LRRC9: variants seen among roughly 807,000 people sequenced by gnomAD.
LRRC9 encodes leucine rich repeat containing 9.
LRRC9 carries 122 observed loss-of-function variants against 63.2 expected under a neutral mutation model. The observed-to-expected ratio is 1.93, with a 90% confidence interval of 1.67 to 2.24. The LOEUF is 2.24. LRRC9 is among the 30% of genes most tolerant of loss of function. The pLI is 0.00. For missense variants in LRRC9, 1,071 were observed against 627.7 expected (o/e 1.71, Z -7.55); for synonymous variants, 366 against 213.1 (o/e 1.72, Z -6.25).
In LRRC9 at chr14:60,004,323, T is replaced by C. The variant is rs1351675013; in HGVS notation, c.2842+525T>C. The stretch of plus-strand genomic sequence containing the variant: ...CTAGTTCTGTTTTGAAAATATAAAA[T>C]TGAGGTTATATTTGGAAATTTGAAT... On this transcript the variant is annotated intron_variant, in intron 21 of 31. Transcript: ENST00000445360. The surrounding 1 kb of genome is among the most constrained non-coding windows in gnomAD (Gnocchi z 4.8). Among the ~76,000 whole-genome samples the C allele has an allele frequency of 1.3e-5, 2 of 152,042 alleles. No individual in the cohort carries two copies. Among genetic ancestry groups the C allele is most frequent in the African/African-American group, 4.8e-5 (2 of 41,420 alleles).
At chr14:59,979,936 G>A (rs953488359) in intron 15 of LRRC9, among the ~76,000 whole-genome samples, 4 of 151,670 alleles carry the variant, frequency 2.6e-5, no homozygotes, top group Non-Finnish European at 5.9e-5. Flanking sequence ...CCTGCACATT[G>A]TGCACATGTA....
intron 23 of LRRC9, among the ~76,000 whole-genome samples, chr14:60,014,100 G>A (rs1890482876): frequency 6.6e-6 from 1 of 151,530 alleles, no homozygotes. Context: ...TTTAGTGGTT[G>A]TTCTATTACA....
chr14:59,997,558 C>A, intron 17 of LRRC9, 98 bp from the exon 18 acceptor site: 1 of 567,682 alleles, frequency 1.8e-6, no homozygotes, highest in Non-Finnish European at 3.1e-6. Context: ...TGAGGATTAC[C>A]AGGAAGTGTG....
chr14:60,042,405 G>C lies in LRRC9; in HGVS notation c.3990+10342G>C, dbSNP rs1449295166. 6.6e-6 allele frequency among the ~76,000 whole-genome samples: 1 copy of C among 152,168 alleles called. No individual in the cohort carries two copies. Among genetic ancestry groups the C allele is most frequent in the Non-Finnish European group, 1.5e-5 (1 of 68,028 alleles). ...AGCTGTGGTGGGCTCCACTGAGTTC[G>C]AGCTTCCCAGCTTCTTTGTTTACCT... On this transcript the variant is annotated intron_variant, in intron 29 of 31. Transcript: ENST00000445360. This position sits in a 1 kb window ranked among gnomAD's most constrained non-coding sequence, Gnocchi z 4.2.
intron 8 of LRRC9, among the ~76,000 whole-genome samples, chr14:59,945,895 C>T (rs1313578967): frequency 6.6e-6 from 1 of 151,684 alleles, no homozygotes; most frequent in Non-Finnish European, 1.5e-5. Context: ...GAAACTGTTT[C>T]ACCTATAAAC....
At chr14:60,023,331 G>C (rs1322484113) in intron 27 of LRRC9, among the ~76,000 whole-genome samples, 6 of 151,982 alleles carry the variant, frequency 3.9e-5, no homozygotes, top group Admixed American at 3.9e-4. Flanking sequence ...TGCAATAGAA[G>C]TTCAGAGAGA....
chr14:60,002,354 G>A (rs1454554888), intron 20 of LRRC9, among the ~76,000 whole-genome samples: 1 of 152,124 alleles, frequency 6.6e-6, no homozygotes, highest in Non-Finnish European at 1.5e-5. Context: ...GTACATTAGG[G>A]TCTCTAGAAA....
At chr14:59,991,299 T>TGG (rs1888066230) in intron 17 of LRRC9, among the ~76,000 whole-genome samples, 1 of 152,178 alleles carries the variant, frequency 6.6e-6, no homozygotes, top group African/African-American at 2.4e-5. Context: ...TGAGGTAAGT[T>TGG]GGTTCTACTA....
At chr14:60,013,328 G>C (rs1194803993) in intron 23 of LRRC9, among the ~76,000 whole-genome samples, 1 of 152,092 alleles carries the variant, frequency 6.6e-6, no homozygotes, top group East Asian at 1.9e-4. Context: ...TTATGGACAG[G>C]CTGGGACTCA....
intron 23 of LRRC9, among the ~76,000 whole-genome samples, chr14:60,009,431 G>A (rs1251311139): frequency 6.6e-6 from 1 of 152,186 alleles, no homozygotes; most frequent in African/African-American, 2.4e-5. Context: ...CAGATCTCAT[G>A]AGACTTATTC....
At chr14:59,965,174 C>G (rs1332798022) in intron 10 of LRRC9, among the ~76,000 whole-genome samples, 1 of 152,108 alleles carries the variant, frequency 6.6e-6, no homozygotes, top group African/African-American at 2.4e-5. Flanking sequence ...CTAGACAGGA[C>G]CGGAATTTTA....
chr14:60,054,714 T>G (rs1431923981), intron 30 of LRRC9, among the ~76,000 whole-genome samples: 1 of 152,172 alleles, frequency 6.6e-6, no homozygotes, highest in African/African-American at 2.4e-5. Context: ...TGCATGTACT[T>G]TTAAATATTT....
At chr14:59,975,102 CAT>C (rs1216150707) in intron 13 of LRRC9, among the ~76,000 whole-genome samples, 1,265 of 9,636 alleles carry the variant, frequency 0.13, 212 homozygotes, top group East Asian at 0.42. Flanking sequence ...TATATATATA[CAT>C]ATATATATGT....
intron 12 of LRRC9, among the ~76,000 whole-genome samples, chr14:59,973,995 CTT>C (rs896040984): frequency 1.3e-5 from 2 of 152,008 alleles, no homozygotes; most frequent in African/African-American, 4.8e-5. Context: ...CTCTAGTTTT[CTT>C]ACTACTAAAA....
Position 60,017,699 on chromosome 14 carries a change from A to G in LRRC9, c.3318-672A>G, listed in dbSNP as rs1401805278. ...GAATGACTTATTAGTGGGTAAAAGT[A>G]TGTCATAATTGTAACTTCAAGTTTA... On this transcript the variant is annotated intron_variant, in intron 24 of 31. Coordinates refer to ENST00000445360, the Ensembl canonical transcript of LRRC9. This position sits in a 1 kb window ranked among gnomAD's most constrained non-coding sequence, Gnocchi z 4.0. 6.6e-6 allele frequency among the ~76,000 whole-genome samples: 1 copy of G among 152,142 alleles called. No individual in the cohort carries two copies. The highest frequency in any genetic ancestry group is 1.5e-5 in the Non-Finnish European group (1 of 68,004).
At position 59,962,986 on chromosome 14, in the gene LRRC9, A is replaced by T. The variant is rs931980343; in HGVS notation, c.1211+1941A>T. ...AAGTACTGTTTTTTAGTTTTAGCAT[A>T]CTGCAAGCTTGGCTACTTTTCCTCT... On this transcript the variant is annotated intron_variant, in intron 10 of 31. Transcript: ENST00000445360. The surrounding 1 kb of genome is among the most constrained non-coding windows in gnomAD (Gnocchi z 5.1). Among the ~76,000 whole-genome samples the T allele has an allele frequency of 2.6e-5, 4 of 152,204 alleles. No homozygotes were observed. Among genetic ancestry groups the T allele is most frequent in the African/African-American group, 9.6e-5 (4 of 41,468 alleles).
chr14:59,927,968 C>A lies in LRRC9; in HGVS notation c.25C>A (p.Gln9Lys), dbSNP rs1442538428. 1.5e-6 allele frequency: 1 copy of A among 680,500 alleles called. No homozygotes were observed. The highest frequency in any genetic ancestry group is 2.7e-6 in the Non-Finnish European group (1 of 374,890). 42.2% of individuals were successfully genotyped at this position (680,500 alleles called of 1,614,324 possible). The stretch of plus-strand genomic sequence containing the variant: ...GATGATTGAAAGTGAAAACCTAAAC[C>A]AAGAAGAAATAATTAAAGAACTGGT... Residue 9 changes from glutamine to lysine, a missense_variant, in exon 2 of 32, where the codon CAA (glutamine) becomes AAA (lysine). Physicochemically the swap from Gln to Lys is moderately conservative, Grantham distance 53 (BLOSUM62 1). Transcript: ENST00000445360. This position sits in a 1 kb window ranked among gnomAD's most constrained non-coding sequence, Gnocchi z 4.4.
At chr14:59,937,473 A>T (rs1890233773) in intron 6 of LRRC9, among the ~76,000 whole-genome samples, 1 of 152,138 alleles carries the variant, frequency 6.6e-6, no homozygotes, top group African/African-American at 2.4e-5. Flanking sequence ...GGGGGATGAA[A>T]CAAGGCTCCC....
intron 6 of LRRC9, among the ~76,000 whole-genome samples, chr14:59,933,572 A>AT (rs889396315): frequency 2.0e-5 from 3 of 152,222 alleles, no homozygotes; most frequent in African/African-American, 7.2e-5. Context: ...TTTTGAGTTC[A>AT]TAAGTATTAA....
Sources: gnomAD v4.1 joint callset for allele counts (sites outside exome capture counted in the v4.1 genomes callset) on GRCh38, gnomAD v4.1.1 for gene constraint, Gnocchi (gnomAD v3.1) non-coding constraint, MANE v1.5 for transcripts, NCBI Gene and HGNC (gene_info 2026-07-23, HGNC 2026-07-21) for gene names.